Variants in CACNB4 observed in about 807,000 individuals in gnomAD.
CACNB4 encodes voltage-dependent L-type calcium channel subunit beta-4.
In CACNB4, 32 loss-of-function variants were observed where a neutral mutation model predicts 71.2. That is an observed-to-expected ratio of 0.45 (90% CI 0.34 to 0.60). The LOEUF (loss-of-function observed/expected upper bound fraction) is 0.60. Among genes scored for constraint, CACNB4 ranks in the 20% least tolerant of loss-of-function variants. The pLI is 0.01. For synonymous variants in CACNB4, 231 were observed against 236.9 expected (o/e 0.97, Z 0.23); for missense variants, 464 against 647.9 (o/e 0.72, Z 3.08).
At chr2:151,842,811 A>G (rs1287790980) in intron 12 of CACNB4, among the ~76,000 whole-genome samples, 1 of 152,178 alleles carries the variant, frequency 6.6e-6, no homozygotes, top group Admixed American at 6.5e-5. Context: ...AGTTCTAGAC[A>G]TGTTTTGGGC....
At position 151,942,600 on chromosome 2, in the gene CACNB4, A is replaced by G. The variant is rs987501506; in HGVS notation, c.148-59230T>C. Among the ~76,000 whole-genome samples, 19 of 149,372 alleles carry G rather than the reference A, an allele frequency of 1.3e-4. 1 individual carries two copies. In the South Asian group the frequency reaches 4.0e-3, roughly 31 times the overall value. On this transcript the variant is annotated intron_variant, in intron 2 of 13. Coordinates refer to ENST00000539935, the MANE Select transcript of CACNB4 (RefSeq NM_000726.5). ...GAGCCATATTTTTCTTCTTGCAGAGAGCCTATAAATGGACGTGCAATTATG... is the reference window on the plus strand; with the variant it reads ...GAGCCATATTTTTCTTCTTGCAGAGGGCCTATAAATGGACGTGCAATTATG...
chr2:151,965,065 T>C (rs113874887), intron 2 of CACNB4, among the ~76,000 whole-genome samples: 40 of 152,350 alleles, frequency 2.6e-4, no homozygotes, highest in Admixed American at 7.2e-4. Flanking sequence ...CTTGGATCAA[T>C]AGAACCATTG....
At chr2:151,939,637 A>T (rs566554095) in intron 2 of CACNB4, among the ~76,000 whole-genome samples, 2 of 152,290 alleles carry the variant, frequency 1.3e-5, no homozygotes, top group East Asian at 3.9e-4. Context: ...CGGGCACTGC[A>T]TGCTGGAATG....
chr2:151,988,483 C>T (rs922089749), intron 2 of CACNB4, among the ~76,000 whole-genome samples: 6 of 152,114 alleles, frequency 3.9e-5, no homozygotes, highest in African/African-American at 1.2e-4. Flanking sequence ...AGCCTCATAA[C>T]CTTGGGCCTC....
intron 4 of CACNB4, among the ~76,000 whole-genome samples, 160 bp from the exon 5 acceptor site, chr2:151,876,716 T>C: frequency 6.9e-6 from 1 of 144,342 alleles, no homozygotes; most frequent in Admixed American, 7.0e-5. Context: ...TATACTATAT[T>C]TTATATACTA....
At chr2:151,991,860 C>T (rs778452767) in intron 2 of CACNB4, among the ~76,000 whole-genome samples, 13 of 152,054 alleles carry the variant, frequency 8.5e-5, no homozygotes, top group African/African-American at 2.9e-4. Flanking sequence ...CCTAAGATAA[C>T]GACTTTCGGA....
chr2:151,964,069 GAAAAAAAAA>G (rs397825547), intron 2 of CACNB4, among the ~76,000 whole-genome samples: 1 of 99,238 alleles, frequency 1.0e-5, no homozygotes, highest in Admixed American at 1.3e-4. Context: ...CTGTCTCACA[GAAAAAAAAA>G]AAAAAAAAAA....
intron 2 of CACNB4, chr2:151,972,546 G>C (rs2099872850): frequency 6.6e-6 from 1 of 152,226 alleles, no homozygotes; most frequent in Non-Finnish European, 1.5e-5. Flanking sequence ...CACGCAGAGA[G>C]ACTTTGCGGA....
chr2:152,010,314 C>A (rs1265880915), intron 2 of CACNB4, among the ~76,000 whole-genome samples: 1 of 152,132 alleles, frequency 6.6e-6, no homozygotes, highest in Non-Finnish European at 1.5e-5. Flanking sequence ...ACATGGCAAG[C>A]GTGTTATTAT....
At position 151,837,633 on chromosome 2, in the gene CACNB4, A is replaced by T. The variant is rs563168828; in HGVS notation, c.*1486T>A. On this transcript the variant is annotated 3_prime_UTR_variant, in exon 14 of 14. Coordinates refer to ENST00000539935, the MANE Select transcript of CACNB4 (RefSeq NM_000726.5). ...TAGAAATAAGTTTTTTTTTTTAAAG[A>T]CATTTGTGTAAAAAGGGTCAATTTC... The T allele has an allele frequency of 7.2e-5, 11 of 152,044 alleles. No homozygotes were observed. In the South Asian group the frequency reaches 2.3e-3, roughly 32 times the overall value. 9.4% of individuals were successfully genotyped at this position (152,044 alleles called of 1,614,324 possible). A position where few individuals can be genotyped will look rare whatever the true frequency, so the allele number is the denominator to read the frequency against.
intron 2 of CACNB4, among the ~76,000 whole-genome samples, chr2:152,039,754 G>A (rs1019959138): frequency 2.6e-5 from 4 of 152,228 alleles, no homozygotes; most frequent in African/African-American, 9.6e-5. Context: ...TCCAACCCTG[G>A]AAAAGTAGAG....
At chr2:152,055,413 G>A (rs1024803076) in intron 2 of CACNB4, among the ~76,000 whole-genome samples, 1 of 152,150 alleles carries the variant, frequency 6.6e-6, no homozygotes, top group Non-Finnish European at 1.5e-5. Flanking sequence ...GTGCTTCAGT[G>A]CCATATCTTA....
chr2:151,839,124 GC>G lies in CACNB4; in HGVS notation c.1557del (p.Arg519SerfsTer27). Reference protein sequence around the residue: ...PGGYSHDSRHRL With the variant: ...PGGYSHDSRHXL ...TATTTTTTGTTTCATTAGACTCAAA[GC>G]CTATGTCGGGAGTCATGGCTATATC... On this transcript the variant is annotated frameshift_variant, in exon 14 of 14. Coordinates refer to ENST00000539935, the MANE Select transcript of CACNB4 (RefSeq NM_000726.5). LOFTEE classifies it high-confidence loss of function. 6.2e-7 allele frequency: 1 copy of G among 1,608,644 alleles called. No homozygotes were observed. Among genetic ancestry groups the G allele is most frequent in the South Asian group, 1.1e-5 (1 of 90,768 alleles).
chr2:152,089,965 A>G (rs1687879950), intron 2 of CACNB4, among the ~76,000 whole-genome samples: 1 of 152,146 alleles, frequency 6.6e-6, no homozygotes, highest in African/African-American at 2.4e-5. Context: ...GCAGAATGGG[A>G]CCTGCATGCC....
At chr2:152,039,166 C>A (rs958779877) in intron 2 of CACNB4, among the ~76,000 whole-genome samples, 8 of 152,144 alleles carry the variant, frequency 5.3e-5, no homozygotes, top group Admixed American at 3.3e-4. Flanking sequence ...CACCTGTAAT[C>A]CCAGCACTCT....
At chr2:152,057,617 C>A (rs943458030) in intron 2 of CACNB4, among the ~76,000 whole-genome samples, 1 of 152,040 alleles carries the variant, frequency 6.6e-6, no homozygotes, top group Non-Finnish European at 1.5e-5. Flanking sequence ...TCAGTCTCTC[C>A]CTCTCACTCC....
chr2:151,951,933 G>C (rs998783090), intron 2 of CACNB4, among the ~76,000 whole-genome samples: 1 of 152,114 alleles, frequency 6.6e-6, no homozygotes, highest in Non-Finnish European at 1.5e-5. Flanking sequence ...AAAGTAGCAA[G>C]GCATAATTGA....
In CACNB4 at chr2:152,058,890, T is replaced by G. The variant is rs554951626; in HGVS notation, c.147+39440A>C. On this transcript the variant is annotated intron_variant, in intron 2 of 13. Transcript: ENST00000539935. ...TGTGCCCAGGATCCCCCCTGCTGTA[T>G]GTAGCCTCTTGGTGCCTTTTGTCCC... Among the ~76,000 whole-genome samples the G allele has an allele frequency of 3.0e-4, 45 of 152,334 alleles. 1 individual carries two copies. The South Asian group carries it at 8.9e-3, about 30-fold the overall frequency.
rs968542735 is a variant in CACNB4, at chr2:152,098,494, C to T, written c.64-81G>A. The stretch of plus-strand genomic sequence containing the variant: ...GGGGCGACCACCCCCGGCTGGAGTC[C>T]GCCTCCGGACCCGCTCCCTGGGGTC... On this transcript the variant is annotated intron_variant, in intron 1 of 13. Coordinates refer to ENST00000539935, the MANE Select transcript of CACNB4 (RefSeq NM_000726.5). This position sits in a 1 kb window ranked among gnomAD's most constrained non-coding sequence, Gnocchi z 5.3. 2.1e-5 allele frequency: 30 copies of T among 1,413,764 alleles called. No individual in the cohort carries two copies. Among genetic ancestry groups the T allele is most frequent in the African/African-American group, 2.8e-5 (2 of 70,998 alleles). 87.6% of individuals were successfully genotyped at this position (1,413,764 alleles called of 1,614,324 possible).
Sources: gnomAD v4.1 joint callset for allele counts (sites outside exome capture counted in the v4.1 genomes callset) on GRCh38, gnomAD v4.1.1 for gene constraint, Gnocchi (gnomAD v3.1) non-coding constraint, MANE v1.5 for transcripts, NCBI Gene and HGNC (gene_info 2026-07-23, HGNC 2026-07-21) for gene names.